Variants in TLR6 observed in about 807,000 individuals in gnomAD.
TLR6 encodes the protein toll like receptor 6.
In TLR6, 9 loss-of-function variants were observed where a neutral mutation model predicts 16.1. The observed-to-expected ratio is 0.56, with a 90% CI of 0.34 to 0.98. TLR6 has a LOEUF of 0.98. Among genes scored for constraint, TLR6 ranks in the 50% least tolerant of loss-of-function variants. The pLI is 0.02. For synonymous variants in TLR6, 340 were observed against 338.6 expected (o/e 1.00, Z -0.04); for missense variants, 786 against 921.0 (o/e 0.85, Z 1.90).
At chr4:38,831,829 G>A (rs1400513847) in intron 1 of TLR6, among the ~76,000 whole-genome samples, 3 of 152,222 alleles carry the variant, frequency 2.0e-5, no homozygotes, top group African/African-American at 7.2e-5. Flanking sequence ...ACACTTATGA[G>A]AATGGGTAAA....
exon 2 of TLR6, chr4:38,825,178 T>C (rs996026646): frequency 6.6e-6 from 1 of 152,232 alleles, no homozygotes; most frequent in Non-Finnish European, 1.5e-5. Flanking sequence ...CAAAGTTCTG[T>C]TGGATCTCCT....
At chr4:38,829,361 T>C (rs1008610607) in exon 2 of TLR6, 14 of 1,614,036 alleles carry the variant, frequency 8.7e-6, no homozygotes, top group South Asian at 2.2e-5. Context: ...TCTTTTTGAC[T>C]TGTCTACTGC....
At chr4:38,865,900 A>T in the TLR6 span, among the ~76,000 whole-genome samples, 1 of 152,230 alleles carries the variant, frequency 6.6e-6, no homozygotes, top group African/African-American at 2.4e-5. Context: ...ACACTTTGGG[A>T]GGCCGAGGTG....
chr4:38,845,003 GA>G (rs947349905), intron 1 of TLR6, among the ~76,000 whole-genome samples: 2 of 152,196 alleles, frequency 1.3e-5, no homozygotes, highest in African/African-American at 4.8e-5. Flanking sequence ...AGGTTGCAGT[GA>G]GCTAAGATTG....
chr4:38,864,409 A>G, the TLR6 span, among the ~76,000 whole-genome samples: 1 of 152,244 alleles, frequency 6.6e-6, no homozygotes, highest in Non-Finnish European at 1.5e-5. Context: ...AAGGGGAACC[A>G]GCTATTCCAT....
chr4:38,828,954 T>C (rs760913089), exon 2 of TLR6: 4 of 1,613,288 alleles, frequency 2.5e-6, no homozygotes, highest in Non-Finnish European at 3.4e-6. Context: ...TCCAGAAGGA[T>C]ATAACTTAGA....
At chr4:38,849,640 A>G (rs2109466879) in intron 1 of TLR6, among the ~76,000 whole-genome samples, 1 of 151,696 alleles carries the variant, frequency 6.6e-6, no homozygotes, top group South Asian at 2.1e-4. Context: ...AGTCTCTGAT[A>G]AAACAAACTA....
At chr4:38,836,657 G>C (rs2109432833) in intron 1 of TLR6, among the ~76,000 whole-genome samples, 1 of 152,264 alleles carries the variant, frequency 6.6e-6, no homozygotes, top group Admixed American at 6.5e-5. Flanking sequence ...ACCAGACAAG[G>C]ACTGGGTGTG....
rs764392412 is a variant in TLR6 at position 38,828,743 on chromosome 4, TCTG to T, written c.728_730del (p.Ser243_Glu244delinsTer). The T allele has an allele frequency of 6.2e-7, 1 of 1,613,820 alleles. No homozygotes were observed. The highest frequency in any genetic ancestry group is 1.1e-5 in the South Asian group (1 of 90,952). ...CAGTAAGGTTGAACCTCTGGTGAGT[TCTG>T]ATAAAAATTTAATGAAAACTTGACA... On this transcript the variant is annotated stop_gained and inframe_deletion, in exon 2 of 2. Coordinates refer to ENST00000436693, the Ensembl canonical transcript of TLR6. LOFTEE classifies it low-confidence loss of function (END_TRUNC).
chr4:38,844,969 G>T (rs1712458586), intron 1 of TLR6, among the ~76,000 whole-genome samples: 1 of 152,188 alleles, frequency 6.6e-6, no homozygotes, highest in Admixed American at 6.5e-5. Context: ...TGAGGCAAGA[G>T]AATCGTTCGA....
chr4:38,852,884 T>A (rs148035117), intron 1 of TLR6, among the ~76,000 whole-genome samples: 32,571 of 152,130 alleles, frequency 0.21, 4,210 homozygotes, highest in Non-Finnish European at 0.28. Context: ...TTACTGGGTA[T>A]ATACCCAAAG....
chr4:38,850,413 A>T (rs1712719655), intron 1 of TLR6, among the ~76,000 whole-genome samples: 2 of 152,144 alleles, frequency 1.3e-5, no homozygotes, highest in South Asian at 4.1e-4. Flanking sequence ...GACACAAAAC[A>T]CCCTTCAAAA....
In TLR6 at chr4:38,839,945, A is replaced by G. The variant is rs182649161; in HGVS notation, c.-64-10408T>C. On this transcript the variant is annotated intron_variant, in intron 1 of 1. Coordinates refer to ENST00000436693, the Ensembl canonical transcript of TLR6. ...TCAGCAGTGCTGATTATAATCCCGA[A>G]AGACACAATCCTGAAGGCTGAAATC... 2.6e-5 allele frequency among the ~76,000 whole-genome samples: 4 copies of G among 152,334 alleles called. No homozygotes were observed. In the East Asian group the frequency reaches 7.7e-4, roughly 29 times the overall value.
At chr4:38,830,424 G>A (rs892487987) in intron 1 of TLR6, among the ~76,000 whole-genome samples, 35 of 152,260 alleles carry the variant, frequency 2.3e-4, no homozygotes, top group African/African-American at 6.5e-4. Context: ...ATACACCCTG[G>A]GAAAGGGAGG....
chr4:38,830,639 G>A (rs1202455631), intron 1 of TLR6, among the ~76,000 whole-genome samples: 9 of 152,030 alleles, frequency 5.9e-5, no homozygotes, highest in East Asian at 3.9e-4. Context: ...GTTTGGGGCC[G>A]AGGAAGTCGA....
chr4:38,852,551 C>A (rs1264931196), intron 1 of TLR6, among the ~76,000 whole-genome samples: 7 of 152,014 alleles, frequency 4.6e-5, no homozygotes, highest in African/African-American at 1.7e-4. Context: ...ATAAACAACC[C>A]CATCAAAAAG....
the TLR6 span, among the ~76,000 whole-genome samples, chr4:38,864,818 C>A: frequency 6.6e-6 from 1 of 151,992 alleles, no homozygotes; most frequent in South Asian, 2.1e-4. Context: ...TTGAGACCAG[C>A]CTGGGCAACA....
At position 38,853,251 on chromosome 4, in the gene TLR6, G is replaced by T. The variant is rs1467325836; in HGVS notation, c.-65+3510C>A. Reference sequence around the variant, plus strand: ...GTCGTGGGGTGGGGGGAGGGGGGAGGGAAAGCATTAGGAGATATACGTAAT... The same window carrying T: ...GTCGTGGGGTGGGGGGAGGGGGGAGTGAAAGCATTAGGAGATATACGTAAT... On this transcript the variant is annotated intron_variant, in intron 1 of 1. Coordinates refer to ENST00000436693, the Ensembl canonical transcript of TLR6. 6.0e-5 allele frequency among the ~76,000 whole-genome samples: 7 copies of T among 116,620 alleles called. No individual in the cohort carries two copies. The Admixed American group carries it at 6.3e-4, about 10-fold the overall frequency. 76.5% of individuals were successfully genotyped at this position (116,620 alleles called of 152,430 possible). A position where few individuals can be genotyped will look rare whatever the true frequency, so the allele number is the denominator to read the frequency against.
At chr4:38,842,785 A>C (rs1391995219) in intron 1 of TLR6, among the ~76,000 whole-genome samples, 2 of 152,202 alleles carry the variant, frequency 1.3e-5, no homozygotes, top group Non-Finnish European at 2.9e-5. Flanking sequence ...GTTGGTAATT[A>C]GGTTTCAACA....
Sources: allele counts gnomAD v4.1 joint callset (sites outside exome capture counted in the v4.1 genomes callset), GRCh38; gene constraint gnomAD v4.1.1; transcripts MANE v1.5; gene names NCBI Gene and HGNC (gene_info 2026-07-23, HGNC 2026-07-21).